Variants in SGCZ observed in about 807,000 individuals in gnomAD.
SGCZ encodes sarcoglycan zeta, also known as zeta-sarcoglycan.
A neutral mutation model predicts 41.3 loss-of-function variants in SGCZ; 40 were observed. The observed-to-expected ratio is 0.97, with a 90% CI of 0.75 to 1.26. The LOEUF is 1.26. Among genes scored for constraint, SGCZ ranks in the 50% most tolerant of loss-of-function variants. SGCZ has a pLI of 0.00. For missense variants in SGCZ, 552 were observed against 369.8 expected, an observed-to-expected ratio of 1.49 and a Z score of -4.04; for synonymous variants, 206 against 137.5, an observed-to-expected ratio of 1.50 and a Z score of -3.49.
rs969600611 is a variant in SGCZ at position 14,514,660 on chromosome 8, CATATATATGTAA to C, written c.234+40060_234+40071del. 5.0e-3 allele frequency among the ~76,000 whole-genome samples: 749 copies of C among 148,998 alleles called. 3 individuals carry two copies. The highest frequency in any genetic ancestry group is 0.017 in the African/African-American group (696 of 40,806). On this transcript the variant is annotated intron_variant, in intron 2 of 7. Transcript: ENST00000382080. ...TACAGCTTAAATATTTTGGACTTTA[CATATATATGTAA>C]ATATATATACGTATATATTTACATA...
chr8:14,542,253 T>A (rs1363680055), intron 2 of SGCZ, among the ~76,000 whole-genome samples: 1 of 152,128 alleles, frequency 6.6e-6, no homozygotes, highest in Non-Finnish European at 1.5e-5. Flanking sequence ...TCTAGGGTTT[T>A]TATAGTTTTC....
At chr8:14,394,918 G>A (rs1018072104) in intron 2 of SGCZ, among the ~76,000 whole-genome samples, 34 of 152,258 alleles carry the variant, frequency 2.2e-4, no homozygotes, top group African/African-American at 7.9e-4. Flanking sequence ...ACAATTGTCT[G>A]ACTACTTGGA....
At chr8:15,206,226 CT>C (rs1438130846) in intron 1 of SGCZ, among the ~76,000 whole-genome samples, 2 of 152,016 alleles carry the variant, frequency 1.3e-5, no homozygotes, top group African/African-American at 4.8e-5. Flanking sequence ...ACAAAAACTA[CT>C]TAGGGCCACG....
chr8:15,048,192 C>A (rs185562233), intron 1 of SGCZ, among the ~76,000 whole-genome samples: 9 of 152,118 alleles, frequency 5.9e-5, no homozygotes, highest in Admixed American at 5.9e-4. Flanking sequence ...ATTGATAGAA[C>A]TGTAAGTCAT....
intron 2 of SGCZ, among the ~76,000 whole-genome samples, chr8:14,414,495 G>C (rs139647499): frequency 6.6e-6 from 1 of 151,958 alleles, no homozygotes; most frequent in African/African-American, 2.4e-5. Flanking sequence ...GAACCTGCTT[G>C]AGATAAATTT....
chr8:14,633,498 T>C (rs913293237), intron 1 of SGCZ, among the ~76,000 whole-genome samples: 1 of 151,766 alleles, frequency 6.6e-6, no homozygotes, highest in Non-Finnish European at 1.5e-5. Context: ...GCAAAATCAT[T>C]TATTATTTAT....
At chr8:14,387,264 C>T (rs1255545657) in intron 2 of SGCZ, among the ~76,000 whole-genome samples, 1 of 152,172 alleles carries the variant, frequency 6.6e-6, no homozygotes, top group Non-Finnish European at 1.5e-5. Context: ...GTTGCCCAGA[C>T]TGGCCTCGAA....
At chr8:14,365,522 T>A (rs186490881) in intron 2 of SGCZ, among the ~76,000 whole-genome samples, 3 of 152,156 alleles carry the variant, frequency 2.0e-5, no homozygotes, top group Non-Finnish European at 4.4e-5. Flanking sequence ...TAATTTTGTT[T>A]ATTATAGTGT....
intron 1 of SGCZ, among the ~76,000 whole-genome samples, chr8:14,621,436 T>C (rs1806282134): frequency 6.9e-6 from 1 of 145,974 alleles, no homozygotes; most frequent in Admixed American, 6.8e-5. Context: ...TAAAGTATAA[T>C]AAAAAAATAA....
rs148915342 is a variant in SGCZ, at chr8:15,052,076, G to A, written c.39+185509C>T. Among the ~76,000 whole-genome samples, 460 of 152,288 alleles carry A rather than the reference G, an allele frequency of 3.0e-3. 5 individuals carry two copies. The highest frequency in any genetic ancestry group is 0.011 in the African/African-American group (450 of 41,578). ...TGAGCCGTAATTTAGACTGTTCAAC[G>A]TTGAGAAAAGCATGGTTTGAGTTGG... On this transcript the variant is annotated intron_variant, in intron 1 of 7. Transcript: ENST00000382080.
At chr8:14,942,772 C>A (rs180735958) in intron 1 of SGCZ, among the ~76,000 whole-genome samples, 1 of 152,134 alleles carries the variant, frequency 6.6e-6, no homozygotes, top group Non-Finnish European at 1.5e-5. Context: ...ACCATTTTCC[C>A]TCTTTCAGGT....
intron 7 of SGCZ, among the ~76,000 whole-genome samples, chr8:14,096,699 C>A (rs1025018397): frequency 6.6e-6 from 1 of 152,054 alleles, no homozygotes; most frequent in Admixed American, 6.6e-5. Context: ...TTCTTTGTAC[C>A]TCTGGTAGAA....
At chr8:14,980,213 G>A (rs190786364) in intron 1 of SGCZ, among the ~76,000 whole-genome samples, 3 of 152,058 alleles carry the variant, frequency 2.0e-5, no homozygotes, top group Non-Finnish European at 4.4e-5. Flanking sequence ...AAATGTTTTG[G>A]CCTGACTGTG....
At chr8:14,425,869 A>G (rs1480907451) in intron 2 of SGCZ, among the ~76,000 whole-genome samples, 5 of 152,182 alleles carry the variant, frequency 3.3e-5, no homozygotes, top group East Asian at 1.9e-4. Flanking sequence ...TAAAAAAGAT[A>G]TTACTAATAA....
At chr8:14,471,766 C>G (rs185282395) in intron 2 of SGCZ, among the ~76,000 whole-genome samples, 26 of 152,062 alleles carry the variant, frequency 1.7e-4, no homozygotes, top group African/African-American at 6.3e-4. Flanking sequence ...AGAAATCACT[C>G]CAAGTGTTAA....
intron 3 of SGCZ, among the ~76,000 whole-genome samples, chr8:14,280,214 G>C (rs1800375710): frequency 6.6e-6 from 1 of 151,822 alleles, no homozygotes; most frequent in East Asian, 1.9e-4. Flanking sequence ...GTTCTATTTT[G>C]AATCCGTATA....
chr8:14,580,551 A>AAT (rs1275821721), intron 1 of SGCZ, among the ~76,000 whole-genome samples: 1 of 152,186 alleles, frequency 6.6e-6, no homozygotes, highest in South Asian at 2.1e-4. Context: ...CAAACAAATA[A>AAT]ATTGTAATAG....
At chr8:14,991,324 C>T (rs944635457) in intron 1 of SGCZ, among the ~76,000 whole-genome samples, 2 of 152,116 alleles carry the variant, frequency 1.3e-5, no homozygotes, top group African/African-American at 4.8e-5. Flanking sequence ...ATCAGCACCA[C>T]CAAGGAGTTT....
At chr8:15,101,993 G>A (rs989342353) in intron 1 of SGCZ, among the ~76,000 whole-genome samples, 6 of 152,002 alleles carry the variant, frequency 3.9e-5, no homozygotes, top group African/African-American at 1.5e-4. Context: ...CTAAACTTAG[G>A]CCTACCATCT....
Sources: allele counts gnomAD v4.1 joint callset (sites outside exome capture counted in the v4.1 genomes callset), GRCh38; gene constraint gnomAD v4.1.1; transcripts MANE v1.5; gene names NCBI Gene and HGNC (gene_info 2026-07-23, HGNC 2026-07-21).